The following DIPK2B variants were observed in gnomAD, a reference collection of about 807,000 sequenced individuals.
DIPK2B encodes the protein divergent protein kinase domain 2B.
DIPK2B carries 15 observed loss-of-function variants against 22.2 expected under a neutral mutation model. The ratio of observed to expected loss-of-function variants is 0.68; its 90% CI spans 0.45 to 1.04. The LOEUF is 1.04. DIPK2B is among the 50% of genes least tolerant of loss of function. The probability of loss-of-function intolerance (pLI) is 0.00; values close to 1 mark genes in which losing one functional copy is unlikely to be tolerated. For synonymous variants in DIPK2B, 163 were observed against 153.2 expected, an observed-to-expected ratio of 1.06 and a Z score of -0.47; for missense variants, 345 against 348.3, an observed-to-expected ratio of 0.99 and a Z score of 0.08.
At chrX:45,163,251 T>C (rs1273384832) in intron 2 of DIPK2B, 1 of 276,472 alleles carries the variant, frequency 3.6e-6, no homozygotes, top group African/African-American at 3.0e-5. Flanking sequence ...GTTTACAGAT[T>C]GCAGGCCTAC....
In DIPK2B at chrX:45,197,497, A is replaced by C. The variant is rs1337172210; in HGVS notation, c.233+3097T>G. 4.5e-5 allele frequency among the ~76,000 whole-genome samples: 5 copies of C among 111,549 alleles called. No individual in the cohort carries two copies. In the Admixed American group the frequency reaches 4.8e-4, roughly 11 times the overall value. On this transcript the variant is annotated intron_variant, in intron 1 of 4. Transcript: ENST00000398000. Reference sequence around the variant, plus strand: ...GTGATTTGCCCGCCTCGGCCTCCCAAAGTGCTGGGATTACAGGTGTGAGCC... The same window carrying C: ...GTGATTTGCCCGCCTCGGCCTCCCACAGTGCTGGGATTACAGGTGTGAGCC...
intron 2 of DIPK2B, among the ~76,000 whole-genome samples, chrX:45,188,855 CT>C (rs1186156065): frequency 1.8e-5 from 2 of 109,978 alleles, no homozygotes; most frequent in South Asian, 3.8e-4. Context: ...TTGTGTTTGG[CT>C]TTTTTTTTCA....
At position 45,186,631 on chromosome X, in the gene DIPK2B, T is replaced by C. The variant is rs143046630; in HGVS notation, c.498+5120A>G. ...AAACAAACAAGCAAATGGAAATTTTTTGAAGCATCCTTGACCTAGTAGCCT... is the reference window on the plus strand; with the variant it reads ...AAACAAACAAGCAAATGGAAATTTTCTGAAGCATCCTTGACCTAGTAGCCT... On this transcript the variant is annotated intron_variant, in intron 2 of 4. Transcript: ENST00000398000. 8.3e-3 allele frequency among the ~76,000 whole-genome samples: 941 copies of C among 112,821 alleles called. 24 individuals are homozygous for C. The highest frequency in any genetic ancestry group is 0.067 in the Admixed American group (716 of 10,715).
rs1238943279 is a variant in DIPK2B at position 45,166,034 on chromosome X, G to A, written c.499-8146C>T. Among the ~76,000 whole-genome samples, 3 of 112,032 alleles carry A rather than the reference G, an allele frequency of 2.7e-5. No individual in the cohort carries two copies. The Admixed American group carries it at 2.8e-4, about 11-fold the overall frequency. On this transcript the variant is annotated intron_variant, in intron 2 of 4. Coordinates refer to ENST00000398000, the MANE Select transcript of DIPK2B (RefSeq NM_176819.4). Reference sequence around the variant, plus strand: ...AGGGCAAGGCCATCTTTGATGGATAGGGGGTACCTGGTGTGAAAGGCTCTA... The same window carrying A: ...AGGGCAAGGCCATCTTTGATGGATAAGGGGTACCTGGTGTGAAAGGCTCTA...
At chrX:45,163,897 A>T in intron 2 of DIPK2B, 1 of 880,292 alleles carries the variant, frequency 1.1e-6, no homozygotes, top group Non-Finnish European at 1.4e-6. Flanking sequence ...TCACAGGGGG[A>T]TCACATCTGG....
chrX:45,158,712 A>G (rs1484999030), intron 2 of DIPK2B, among the ~76,000 whole-genome samples: 1 of 111,334 alleles, frequency 9.0e-6, no homozygotes, highest in Admixed American at 9.5e-5. Flanking sequence ...ACAACTACCA[A>G]CTGTGTGACC....
At position 45,151,448 on chromosome X, in the gene DIPK2B, G is replaced by A. The variant is rs1277779760; in HGVS notation, c.*204C>T. On this transcript the variant is annotated 3_prime_UTR_variant, in exon 5 of 5. Transcript: ENST00000398000. ...AGCGTCCACACCCAGGTCTTCTGAT[G>A]CCCACCGCGGGCTTTGCCAGGACGT... 9.1e-6 allele frequency: 4 copies of A among 438,841 alleles called. No homozygotes were observed. Among genetic ancestry groups the A allele is most frequent in the East Asian group, 7.5e-5 (2 of 26,548 alleles). The allele number at this position is 438,841 out of a possible 1,213,427, so 36.2% of individuals were successfully genotyped here. A position where few individuals can be genotyped will look rare whatever the true frequency, so the allele number is the denominator to read the frequency against.
At chrX:45,163,914 G>A (rs1365318344) in intron 2 of DIPK2B, 6 of 898,237 alleles carry the variant, frequency 6.7e-6, no homozygotes, top group African/African-American at 2.1e-5. Context: ...CTGGATTGGG[G>A]TGGGCTCAGC....
At chrX:45,163,327 C>T in intron 2 of DIPK2B, 1 of 622,094 alleles carries the variant, frequency 1.6e-6, no homozygotes, top group South Asian at 8.3e-5. Context: ...TAAATCTGGA[C>T]ATGTATATGT....
intron 2 of DIPK2B, among the ~76,000 whole-genome samples, chrX:45,171,790 G>A (rs181473083): frequency 8.9e-6 from 1 of 112,456 alleles, no homozygotes; most frequent in Admixed American, 9.4e-5. Flanking sequence ...ATGCACATCG[G>A]GTCTCTCCTT....
intron 2 of DIPK2B, among the ~76,000 whole-genome samples, chrX:45,166,754 C>G (rs1265269958): frequency 8.9e-6 from 1 of 112,246 alleles, no homozygotes. Context: ...ACATGAACTC[C>G]TCTTAGAAAG....
intron 2 of DIPK2B, among the ~76,000 whole-genome samples, chrX:45,175,369 A>G (rs2047111320): frequency 9.0e-6 from 1 of 110,990 alleles, no homozygotes; most frequent in African/African-American, 3.3e-5. Flanking sequence ...AAGAGTTTTA[A>G]TGATATGGAG....
Position 45,191,849 on chromosome X carries a change from A to C in DIPK2B, c.400T>G (p.Ser134Ala). Residue 134 changes from serine (S) to alanine (A), a missense_variant, in exon 2 of 5, where the codon TCA becomes GCA. Physicochemically the swap from Ser to Ala is moderately conservative, Grantham distance 99. Transcript: ENST00000398000. The stretch of plus-strand genomic sequence containing the variant: ...TCAATGCTGCAGGTCTTTGGGGCTG[A>C]TGCAGAGGCACAGATTCTCCTGTCT... ...ISDRRICASA[S>A]APKTCSIERV... 1 of 1,212,121 alleles carries C rather than the reference A, an allele frequency of 8.3e-7. No homozygotes were observed. The highest frequency in any genetic ancestry group is 1.1e-6 in the Non-Finnish European group (1 of 895,566).
intron 2 of DIPK2B, among the ~76,000 whole-genome samples, chrX:45,189,109 T>A (rs1418701971): frequency 8.9e-6 from 1 of 112,403 alleles, no homozygotes; most frequent in Non-Finnish European, 1.9e-5. Flanking sequence ...CCCAGGCTCA[T>A]CTTGAACCCC....
chrX:45,161,391 A>G (rs1012764901), intron 2 of DIPK2B, among the ~76,000 whole-genome samples: 32 of 112,167 alleles, frequency 2.9e-4, no homozygotes, highest in Middle Eastern at 4.6e-3. Flanking sequence ...AAAATACAAA[A>G]ACTAGCCAGA....
At chrX:45,172,429 G>A (rs1206763926) in intron 2 of DIPK2B, among the ~76,000 whole-genome samples, 6 of 111,724 alleles carry the variant, frequency 5.4e-5, no homozygotes, top group Non-Finnish European at 1.1e-4. Flanking sequence ...CAAACGTTTG[G>A]CAGCCAGAGG....
chrX:45,165,780 C>A (rs1321850353), intron 2 of DIPK2B, among the ~76,000 whole-genome samples: 1 of 112,324 alleles, frequency 8.9e-6, no homozygotes, highest in Non-Finnish European at 1.9e-5. Context: ...GCTTCTCCAG[C>A]TCTCTCTTTG....
At chrX:45,184,630 T>C in intron 2 of DIPK2B, among the ~76,000 whole-genome samples, 1 of 112,160 alleles carries the variant, frequency 8.9e-6, no homozygotes. Flanking sequence ...AGAGAAGCGC[T>C]AACACAATTG....
intron 3 of DIPK2B, among the ~76,000 whole-genome samples, chrX:45,157,116 C>T (rs754867747): frequency 9.0e-6 from 1 of 110,676 alleles, no homozygotes; most frequent in East Asian, 2.9e-4. Flanking sequence ...AGGGGTCAGT[C>T]GGAGTGATTG....
Sources: allele counts gnomAD v4.1 joint callset (sites outside exome capture counted in the v4.1 genomes callset), GRCh38; gene constraint gnomAD v4.1.1; transcripts MANE v1.5; gene names NCBI Gene and HGNC (gene_info 2026-07-23, HGNC 2026-07-21).